The following CCSER2 variants were observed in gnomAD, a reference collection of about 807,000 sequenced individuals.
The protein encoded by CCSER2 is coiled-coil serine rich protein 2, also known as serine-rich coiled-coil domain-containing protein 2.
Under a neutral mutation model 92.3 loss-of-function variants are expected in CCSER2, and 46 were observed. The ratio of observed to expected loss-of-function variants is 0.50; its 90% confidence interval spans 0.39 to 0.64. CCSER2 has a LOEUF of 0.64. CCSER2 is among the 30% of genes least tolerant of loss of function. The probability of loss-of-function intolerance (pLI) is 0.00; values close to 1 mark genes in which losing one functional copy is unlikely to be tolerated. For missense variants in CCSER2, 1,244 were observed against 1,238.9 expected (o/e 1.00, Z -0.06); for synonymous variants, 433 against 431.4 (o/e 1.00, Z -0.04).
intron 3 of CCSER2, among the ~76,000 whole-genome samples, chr10:84,385,458 A>G (rs1453087691): frequency 6.6e-6 from 1 of 152,184 alleles, no homozygotes; most frequent in African/African-American, 2.4e-5. Context: ...AGCCACATGC[A>G]TACATCTGAC....
At chr10:84,465,488 C>T (rs1002075746) in intron 7 of CCSER2, among the ~76,000 whole-genome samples, 6 of 151,574 alleles carry the variant, frequency 4.0e-5, no homozygotes, top group African/African-American at 1.5e-4. Flanking sequence ...CCATGCTCGG[C>T]TAATTTTTTA....
chr10:84,457,464 A>T (rs1268656794), intron 6 of CCSER2, among the ~76,000 whole-genome samples: 1 of 111,816 alleles, frequency 8.9e-6, no homozygotes, highest in Non-Finnish European at 1.7e-5. Flanking sequence ...AAAATATATA[A>T]TATATATATA....
At chr10:84,471,846 A>G (rs1335944679) in intron 8 of CCSER2, among the ~76,000 whole-genome samples, 1 of 152,108 alleles carries the variant, frequency 6.6e-6, no homozygotes, top group Admixed American at 6.5e-5. Context: ...TTAAGTTGCT[A>G]TTAATTTTGG....
At chr10:84,431,935 T>C (rs982190044) in intron 5 of CCSER2, among the ~76,000 whole-genome samples, 3 of 152,178 alleles carry the variant, frequency 2.0e-5, no homozygotes, top group African/African-American at 7.2e-5. Context: ...GCACTATTGC[T>C]GGGTCATATG....
At chr10:84,365,960 G>A (rs1453437827) in intron 1 of CCSER2, among the ~76,000 whole-genome samples, 20 of 152,160 alleles carry the variant, frequency 1.3e-4, no homozygotes, top group Non-Finnish European at 2.9e-5. Context: ...TTGTGGAAAA[G>A]ACCATTATCA....
chr10:84,332,432 A>AT lies in CCSER2; in HGVS notation c.-40+3625dup, dbSNP rs1461942069. Among the ~76,000 whole-genome samples, 418 of 73,284 alleles carry AT rather than the reference A, an allele frequency of 5.7e-3. 19 individuals carry two copies. Among genetic ancestry groups the AT allele is most frequent in the African/African-American group, 0.019 (286 of 15,446 alleles). 48.1% of individuals were successfully genotyped at this position (73,284 alleles called of 152,430 possible). On this transcript the variant is annotated intron_variant, in intron 1 of 9. Coordinates refer to ENST00000372088, the MANE Select transcript of CCSER2 (RefSeq NM_001284240.2). Reference sequence around the variant, plus strand: ...TTTTTTTATATATATATATATATATATATATTTTTTTTTTTTTTTTTTTTT... The same window carrying AT: ...TTTTTTTATATATATATATATATATATTATATTTTTTTTTTTTTTTTTTTTT...
rs141255587 is a variant in CCSER2, at chr10:84,445,264, C to G, written c.2064+6557C>G. On this transcript the variant is annotated intron_variant, in intron 6 of 9. Coordinates refer to ENST00000372088, the MANE Select transcript of CCSER2 (RefSeq NM_001284240.2). ...CGCCTCCTGGGCTCACACCATTCTT[C>G]TGCCTCAGCCTCCTGAGTAGCTGGG... Among the ~76,000 whole-genome samples, 1,097 of 152,234 alleles carry G rather than the reference C, an allele frequency of 7.2e-3. 13 individuals carry two copies. The highest frequency in any genetic ancestry group is 0.026 in the African/African-American group (1,072 of 41,536).
chr10:84,464,589 A>G (rs1242010961), intron 7 of CCSER2, among the ~76,000 whole-genome samples: 1 of 152,176 alleles, frequency 6.6e-6, no homozygotes, highest in Non-Finnish European at 1.5e-5. Context: ...TTTACATCCC[A>G]TTTTCAGGGT....
At chr10:84,394,374 A>G (rs1169957788) in intron 3 of CCSER2, among the ~76,000 whole-genome samples, 1 of 135,602 alleles carries the variant, frequency 7.4e-6, no homozygotes, top group African/African-American at 2.9e-5. Flanking sequence ...TTGAAATAAC[A>G]AAAGGAAAGT....
In CCSER2 at chr10:84,441,463, T is replaced by C. The variant is rs555675609; in HGVS notation, c.2064+2756T>C. 3.3e-5 allele frequency among the ~76,000 whole-genome samples: 5 copies of C among 152,302 alleles called. No individual in the cohort carries two copies. In the South Asian group the frequency reaches 1.0e-3, roughly 32 times the overall value. On this transcript the variant is annotated intron_variant, in intron 6 of 9. Coordinates refer to ENST00000372088, the MANE Select transcript of CCSER2 (RefSeq NM_001284240.2). The stretch of plus-strand genomic sequence containing the variant: ...TCTTTGGTTCCCTGTATTCTTTCTC[T>C]TTTTAAATGGTCATTTTGTTTTTTA...
chr10:84,507,197 C>A, intron 9 of CCSER2: 1 of 361,470 alleles, frequency 2.8e-6, no homozygotes, highest in Non-Finnish European at 3.9e-6. Flanking sequence ...CTTGTGGCTG[C>A]CACCCAGTCA....
At chr10:84,411,770 T>C (rs543419224) in intron 3 of CCSER2, among the ~76,000 whole-genome samples, 1 of 152,216 alleles carries the variant, frequency 6.6e-6, no homozygotes, top group Admixed American at 6.5e-5. Flanking sequence ...ATAATTTGAC[T>C]TCTTCTCTTC....
At chr10:84,363,936 T>C (rs902254605) in intron 1 of CCSER2, among the ~76,000 whole-genome samples, 3 of 152,232 alleles carry the variant, frequency 2.0e-5, no homozygotes, top group Non-Finnish European at 2.9e-5. Flanking sequence ...CAAGGCTATA[T>C]GGTATACTAT....
At chr10:84,409,672 G>T (rs1842550783) in intron 3 of CCSER2, among the ~76,000 whole-genome samples, 1 of 151,900 alleles carries the variant, frequency 6.6e-6, no homozygotes, top group South Asian at 2.1e-4. Flanking sequence ...GAACATTTTG[G>T]AGTTAATGTA....
intron 5 of CCSER2, among the ~76,000 whole-genome samples, chr10:84,436,984 C>CAATTATGAATTTAATGCATAATAA (rs1844197949): frequency 6.6e-6 from 1 of 152,014 alleles, no homozygotes; most frequent in African/African-American, 2.4e-5. Flanking sequence ...ACATTTAATG[C>CAATTATGAATTTAATGCATAATAA]ATTATGAATT....
intron 7 of CCSER2, among the ~76,000 whole-genome samples, chr10:84,466,503 T>G (rs570594556): frequency 1.3e-5 from 2 of 150,406 alleles, no homozygotes; most frequent in Admixed American, 6.7e-5. Context: ...TTTTTTGTTT[T>G]TTTGGTTTTT....
chr10:84,453,156 T>A (rs909318332), intron 6 of CCSER2, among the ~76,000 whole-genome samples: 1 of 113,872 alleles, frequency 8.8e-6, no homozygotes, highest in East Asian at 2.8e-4. Flanking sequence ...TTTTATTTCA[T>A]TTTTTTTTTC....
chr10:84,436,401 C>G (rs1009513985), intron 5 of CCSER2, among the ~76,000 whole-genome samples: 1 of 141,914 alleles, frequency 7.0e-6, no homozygotes, highest in East Asian at 2.2e-4. Flanking sequence ...TTTGGGAGGC[C>G]GAGGCGGGCG....
At chr10:84,328,951 C>T (rs970856729) in intron 1 of CCSER2, 143 bp downstream of exon 1, 2 of 151,856 alleles carry the variant, frequency 1.3e-5, no homozygotes, top group Non-Finnish European at 2.9e-5. Context: ...TACCCGGCCT[C>T]CAGGGTGAGC....
Sources: gnomAD v4.1 joint callset for allele counts (sites outside exome capture counted in the v4.1 genomes callset) on GRCh38, gnomAD v4.1.1 for gene constraint, MANE v1.5 for transcripts, NCBI Gene and HGNC (gene_info 2026-07-23, HGNC 2026-07-21) for gene names.